Variants in SPMIP8 observed in about 807,000 individuals in gnomAD.
SPMIP8 encodes the protein sperm microtubule inner protein 8.
chr16:57,987,368 C>G, the SPMIP8 span: 2 of 1,532,678 alleles, frequency 1.3e-6, 1 homozygote, highest in African/African-American at 2.8e-5. Context: ...CCTGGAAACC[C>G]CCACCTCACC....
chr16:57,985,470 T>C, the SPMIP8 span: 4 of 1,613,810 alleles, frequency 2.5e-6, no homozygotes, highest in Non-Finnish European at 3.4e-6. Context: ...CTATCCCTGC[T>C]GCCCGCCTCA....
chr16:57,976,722 G>T, the SPMIP8 span: 2 of 1,521,886 alleles, frequency 1.3e-6, no homozygotes, highest in Non-Finnish European at 1.8e-6. Context: ...ATCCCCTAAG[G>T]CAGCTTCCCC....
At chr16:57,977,799 AC>A in the SPMIP8 span, 2 of 1,606,628 alleles carry the variant, frequency 1.2e-6, no homozygotes, top group East Asian at 2.2e-5. Context: ...GCCCCTTAGA[AC>A]CCTCTGCCCC....
chr16:57,987,231 C>A, the SPMIP8 span: 1 of 609,938 alleles, frequency 1.6e-6, no homozygotes, highest in Non-Finnish European at 2.6e-6. Flanking sequence ...AGCTTGAAAG[C>A]TAAGGAGGAC....
chr16:57,981,392 A>AATAATTATTATTATTATT, the SPMIP8 span, among the ~76,000 whole-genome samples: 8 of 83,586 alleles, frequency 9.6e-5, no homozygotes, highest in Non-Finnish European at 2.4e-4. Flanking sequence ...TAATAATAAT[A>AATAATTATTATTATTATT]ATTATTATTA....
At chr16:57,981,053 C>T in the SPMIP8 span, among the ~76,000 whole-genome samples, 1 of 152,120 alleles carries the variant, frequency 6.6e-6, no homozygotes, top group African/African-American at 2.4e-5. Context: ...CGTGACTTAA[C>T]CCTTGCCTGG....
At chr16:57,985,230 T>G in the SPMIP8 span, 3 of 1,551,056 alleles carry the variant, frequency 1.9e-6, no homozygotes, top group Non-Finnish European at 2.6e-6. Flanking sequence ...GGCTACGCGG[T>G]GCGGTACTTG....
At chr16:57,985,092 T>C in the SPMIP8 span, 1 of 1,056,844 alleles carries the variant, frequency 9.5e-7, no homozygotes, top group Non-Finnish European at 1.2e-6. Flanking sequence ...CGTACACGTG[T>C]GGGTGGGGCT....
the SPMIP8 span, among the ~76,000 whole-genome samples, chr16:57,981,661 G>T: frequency 6.6e-6 from 1 of 151,008 alleles, no homozygotes; most frequent in Non-Finnish European, 1.5e-5. Context: ...GACTACAGGC[G>T]TGTGCCACTA....
the SPMIP8 span, among the ~76,000 whole-genome samples, chr16:57,983,634 G>A: frequency 6.6e-6 from 1 of 151,722 alleles, no homozygotes; most frequent in Non-Finnish European, 1.5e-5. Context: ...AATTTTTTAA[G>A]AGAGTCTCGC....
chr16:57,981,980 C>T, the SPMIP8 span, among the ~76,000 whole-genome samples: 27 of 152,244 alleles, frequency 1.8e-4, no homozygotes, highest in African/African-American at 5.8e-4. Flanking sequence ...CAATACATTG[C>T]GGAGACCTCA....
the SPMIP8 span, among the ~76,000 whole-genome samples, chr16:57,981,962 C>T: frequency 9.9e-5 from 15 of 152,216 alleles, no homozygotes; most frequent in Admixed American, 2.0e-4. Flanking sequence ...GAGGGGGGTC[C>T]GCTCAGTCAA....
At chr16:57,979,455 G>A in the SPMIP8 span, among the ~76,000 whole-genome samples, 1 of 152,236 alleles carries the variant, frequency 6.6e-6, no homozygotes, top group African/African-American at 2.4e-5. Context: ...GGAGGGGCCA[G>A]CCAGGTCACC....
chr16:57,981,405 A>AT, the SPMIP8 span, among the ~76,000 whole-genome samples: 112 of 140,168 alleles, frequency 8.0e-4, no homozygotes, highest in South Asian at 3.2e-3. Context: ...TATTATTATT[A>AT]TAATAATAAT....
At chr16:57,979,180 G>T in the SPMIP8 span, among the ~76,000 whole-genome samples, 1 of 152,254 alleles carries the variant, frequency 6.6e-6, no homozygotes, top group Non-Finnish European at 1.5e-5. Flanking sequence ...GTCAACAGGA[G>T]TAGGTGCAGG....
chr16:57,985,675 C>A, the SPMIP8 span: 1 of 1,332,376 alleles, frequency 7.5e-7, no homozygotes, highest in Non-Finnish European at 1.0e-6. Context: ...TCCAATACAC[C>A]AGAAACAAAT....
chr16:57,985,168 G>T, the SPMIP8 span: 4 of 1,476,502 alleles, frequency 2.7e-6, no homozygotes, highest in South Asian at 1.4e-5. Context: ...TCCTGGGGGG[G>T]GGCGGATGAG....
the SPMIP8 span, chr16:57,987,550 C>T: frequency 4.6e-6 from 5 of 1,094,960 alleles, no homozygotes; most frequent in African/African-American, 1.6e-5. Context: ...AGAAATAAAC[C>T]TAATGCTCCC....
the SPMIP8 span, among the ~76,000 whole-genome samples, chr16:57,980,769 T>A: frequency 2.9e-3 from 441 of 152,340 alleles, 5 homozygotes; most frequent in African/African-American, 0.01. Context: ...AACATGGCTC[T>A]TTACAGCCTC....
Sources: gnomAD v4.1 joint callset for allele counts (sites outside exome capture counted in the v4.1 genomes callset) on GRCh38, gnomAD v4.1.1 for gene constraint, MANE v1.5 for transcripts, NCBI Gene and HGNC (gene_info 2026-07-23, HGNC 2026-07-21) for gene names.